PSMB7: variants seen among roughly 807,000 people sequenced by gnomAD.
The protein encoded by PSMB7 is proteasome 20S subunit beta 7.
In PSMB7, 5 loss-of-function variants were observed where a neutral mutation model predicts 28.1. The observed-to-expected ratio is 0.18, with a 90% CI of 0.09 to 0.37. The LOEUF (loss-of-function observed/expected upper bound fraction) is 0.37. PSMB7 is among the 10% of genes least tolerant of loss of function. The probability of loss-of-function intolerance (pLI) is 1.00; values close to 1 mark genes in which losing one functional copy is unlikely to be tolerated. For missense variants in PSMB7, 275 were observed against 346.2 expected, an observed-to-expected ratio of 0.79 and a Z score of 1.63; for synonymous variants, 122 against 123.7, an observed-to-expected ratio of 0.99 and a Z score of 0.09.
chr9:124,404,394 T>C (rs545828353), intron 5 of PSMB7, among the ~76,000 whole-genome samples: 3 of 152,344 alleles, frequency 2.0e-5, no homozygotes, highest in African/African-American at 7.2e-5. Context: ...TACAATATCA[T>C]CTGTATTACT....
Position 124,356,945 on chromosome 9 carries a change from C to T in PSMB7, c.571-30G>A, listed in dbSNP as rs769144494. ...GAAACAGAACGGCGGCAATAATGTC[C>T]CCGGCCAAACTAGGGCCTGCTCTGA... On this transcript the variant is annotated intron_variant, in intron 6 of 7. Transcript: ENST00000259457. This position sits in a 1 kb window ranked among gnomAD's most constrained non-coding sequence, Gnocchi z 4.4. 14 of 1,613,036 alleles carry T rather than the reference C, an allele frequency of 8.7e-6. No homozygotes were observed. Among genetic ancestry groups the T allele is most frequent in the South Asian group, 1.1e-5 (1 of 90,950 alleles).
At chr9:124,415,317 A>G (rs1257452705) in intron 1 of PSMB7, 47 bp downstream of exon 1, 7 of 1,586,784 alleles carry the variant, frequency 4.4e-6, no homozygotes, top group African/African-American at 2.7e-5. Context: ...CCACCCGAGC[A>G]CCGCACTCTT....
intron 5 of PSMB7, among the ~76,000 whole-genome samples, chr9:124,395,991 C>T (rs1830836833): frequency 2.0e-5 from 3 of 152,220 alleles, no homozygotes; most frequent in South Asian, 4.1e-4. Flanking sequence ...GAGACACATG[C>T]TTCTAAAGCC....
chr9:124,374,441 CACTTTTAGA>C (rs2131153131), intron 6 of PSMB7, among the ~76,000 whole-genome samples: 1 of 152,358 alleles, frequency 6.6e-6, no homozygotes, highest in South Asian at 2.1e-4. Flanking sequence ...AGGTATCCCA[CACTTTTAGA>C]ACAGTAGACC....
chr9:124,388,724 C>T (rs1465251846), intron 5 of PSMB7, among the ~76,000 whole-genome samples: 1 of 152,178 alleles, frequency 6.6e-6, no homozygotes, highest in African/African-American at 2.4e-5. Flanking sequence ...CCTGATACTC[C>T]ACCAACACCA....
At chr9:124,379,433 C>T (rs531735634) in intron 6 of PSMB7, among the ~76,000 whole-genome samples, 1 of 152,186 alleles carries the variant, frequency 6.6e-6, no homozygotes, top group East Asian at 1.9e-4. Context: ...TTCAGGCTCA[C>T]AGCAAGGGAA....
At position 124,353,713 on chromosome 9, in the gene PSMB7, G is replaced by GTAA; in HGVS notation, c.723-7_723-5dup. The GTAA allele has an allele frequency of 6.2e-7, 1 of 1,603,324 alleles. No individual in the cohort carries two copies. The highest frequency in any genetic ancestry group is 8.5e-7 in the Non-Finnish European group (1 of 1,170,206). Reference sequence around the variant, plus strand: ...CTCACACCTGTACCGGCCAAGCCTAGTAAGAGAAAAACAAAAGCACAGAGT... The same window carrying GTAA: ...CTCACACCTGTACCGGCCAAGCCTAGTAATAAGAGAAAAACAAAAGCACAGAGT... On this transcript the variant is annotated splice_region_variant and splice_polypyrimidine_tract_variant and intron_variant, in intron 7 of 7. Transcript: ENST00000259457.
At chr9:124,376,536 C>A (rs1830610581) in intron 6 of PSMB7, among the ~76,000 whole-genome samples, 3 of 152,208 alleles carry the variant, frequency 2.0e-5, no homozygotes, top group Non-Finnish European at 2.9e-5. Flanking sequence ...AAGAGCTTTA[C>A]ACACCTTGTC....
chr9:124,381,531 A>G (rs1830664377), intron 6 of PSMB7, among the ~76,000 whole-genome samples: 1 of 152,230 alleles, frequency 6.6e-6, no homozygotes, highest in Non-Finnish European at 1.5e-5. Flanking sequence ...CACTGAAAGG[A>G]AACAGCAGGC....
chr9:124,355,126 C>T lies in PSMB7; in HGVS notation c.723-1417G>A, dbSNP rs117610127. On this transcript the variant is annotated intron_variant, in intron 7 of 7. Coordinates refer to ENST00000259457, the MANE Select transcript of PSMB7 (RefSeq NM_002799.4). The stretch of plus-strand genomic sequence containing the variant: ...CAGTGCCCCCATCTTCAGTCACTGG[C>T]AAAGAAGACAACAGAGTCCAGGGAG... Among the ~76,000 whole-genome samples, 1,212 of 152,350 alleles carry T rather than the reference C, an allele frequency of 8.0e-3. 14 individuals carry two copies. The highest frequency in any genetic ancestry group is 0.029 in the South Asian group (139 of 4,828).
chr9:124,411,247 C>A (rs1317294110), intron 4 of PSMB7, among the ~76,000 whole-genome samples: 1 of 152,206 alleles, frequency 6.6e-6, no homozygotes, highest in Non-Finnish European at 1.5e-5. Context: ...GCTGGGATTA[C>A]AGGCGTGTGC....
chr9:124,396,152 T>C (rs1053346398), intron 5 of PSMB7, among the ~76,000 whole-genome samples: 3 of 152,154 alleles, frequency 2.0e-5, no homozygotes, highest in Non-Finnish European at 4.4e-5. Flanking sequence ...CAGTTGAAAA[T>C]GAATATAGAC....
chr9:124,401,426 C>T (rs1451383965), intron 5 of PSMB7, among the ~76,000 whole-genome samples: 2 of 152,242 alleles, frequency 1.3e-5, no homozygotes, highest in Non-Finnish European at 2.9e-5. Flanking sequence ...CTGAGGCAGA[C>T]GCTGTGTTAA....
At chr9:124,394,017 T>C (rs1450501422) in intron 5 of PSMB7, among the ~76,000 whole-genome samples, 3 of 152,190 alleles carry the variant, frequency 2.0e-5, no homozygotes, top group African/African-American at 4.8e-5. Flanking sequence ...CGCAGGGCAG[T>C]GGGAGCTGGC....
chr9:124,367,518 G>A (rs1830519127), intron 6 of PSMB7, among the ~76,000 whole-genome samples: 1 of 152,046 alleles, frequency 6.6e-6, no homozygotes, highest in Non-Finnish European at 1.5e-5. Flanking sequence ...AAAGGCATAA[G>A]GAAGCTTCAG....
intron 5 of PSMB7, among the ~76,000 whole-genome samples, chr9:124,387,526 A>G (rs555243966): frequency 2.0e-5 from 3 of 152,136 alleles, no homozygotes; most frequent in Non-Finnish European, 2.9e-5. Context: ...AAATTTTCTG[A>G]AAAGCAGGAG....
chr9:124,399,009 CA>C (rs34386702), intron 5 of PSMB7, among the ~76,000 whole-genome samples: 63,969 of 129,224 alleles, frequency 0.5, 14,463 homozygotes, highest in East Asian at 0.66. Flanking sequence ...AAGCTTTAAC[CA>C]AAAAAAAAAA....
At chr9:124,363,612 C>T (rs949720601) in intron 6 of PSMB7, among the ~76,000 whole-genome samples, 1 of 152,184 alleles carries the variant, frequency 6.6e-6, no homozygotes, top group African/African-American at 2.4e-5. Context: ...AGCCGAGCTG[C>T]AGCTGGTGCT....
chr9:124,382,144 T>A lies in PSMB7; in HGVS notation c.570+2454A>T, dbSNP rs189584383. ...CAGAGGTTGCAGTGAGCCGAGATCA[T>A]GCCACCGCACTCCAGCCTGGATGAC... On this transcript the variant is annotated intron_variant, in intron 6 of 7. Coordinates refer to ENST00000259457, the MANE Select transcript of PSMB7 (RefSeq NM_002799.4). Among the ~76,000 whole-genome samples, 4 of 141,606 alleles carry A rather than the reference T, an allele frequency of 2.8e-5. No individual in the cohort carries two copies. The East Asian group carries it at 9.5e-4, about 34-fold the overall frequency. The allele number at this position is 141,606 out of a possible 152,430, so 92.9% of individuals were successfully genotyped here.
Sources: gnomAD v4.1 joint callset for allele counts (sites outside exome capture counted in the v4.1 genomes callset) on GRCh38, gnomAD v4.1.1 for gene constraint, Gnocchi (gnomAD v3.1) non-coding constraint, MANE v1.5 for transcripts, NCBI Gene and HGNC (gene_info 2026-07-23, HGNC 2026-07-21) for gene names.